The following NRK variants were observed in gnomAD, a reference collection of about 807,000 sequenced individuals.
NRK encodes nik-related protein kinase.
NRK carries 67 observed loss-of-function variants against 125.2 expected under a neutral mutation model. The ratio of observed to expected loss-of-function variants is 0.54; its 90% confidence interval spans 0.44 to 0.66. The LOEUF (loss-of-function observed/expected upper bound fraction) is 0.66, where lower values mean the gene tolerates loss of function less well. Ranked by LOEUF, NRK falls within the 30% of genes least tolerant of loss-of-function variation. NRK has a pLI of 0.00. For synonymous variants in NRK, 458 were observed against 429.0 expected (o/e 1.07, Z -0.84); for missense variants, 1,224 against 1,192.9 (o/e 1.03, Z -0.38).
rs2040783467 is a variant in NRK at position 105,944,191 on chromosome X, T to C, written c.4059+150T>C. ...TGTTGTTAGTTTGCTTGCTTGTTTGTTTGTTTATTTTTTAGATACAGGGTC... is the reference window on the plus strand; with the variant it reads ...TGTTGTTAGTTTGCTTGCTTGTTTGCTTGTTTATTTTTTAGATACAGGGTC... On this transcript the variant is annotated intron_variant, in intron 24 of 28. Transcript: ENST00000243300. The C allele has an allele frequency of 1.3e-5, 5 of 397,229 alleles. No individual in the cohort carries two copies. In the South Asian group the frequency reaches 2.4e-4, roughly 19 times the overall value. The allele number at this position is 397,229 out of a possible 1,213,427, so 32.7% of individuals were successfully genotyped here.
chrX:105,954,274 C>CTGT (rs1482887884), intron 28 of NRK, among the ~76,000 whole-genome samples: 1 of 110,610 alleles, frequency 9.0e-6, no homozygotes, highest in Non-Finnish European at 1.9e-5. Flanking sequence ...ATGTAAAATG[C>CTGT]TGTTTTCATA....
chrX:105,826,001 A>G (rs752397168), intron 1 of NRK, among the ~76,000 whole-genome samples: 21 of 102,926 alleles, frequency 2.0e-4, no homozygotes, highest in South Asian at 1.7e-3. Flanking sequence ...GCCCACCAGC[A>G]ATACCTAGGG....
chrX:105,872,897 C>G (rs1187473641), intron 2 of NRK, among the ~76,000 whole-genome samples: 1 of 110,817 alleles, frequency 9.0e-6, no homozygotes, highest in East Asian at 2.9e-4. Context: ...GGCACAGCAT[C>G]AAGTACTCCC....
intron 23 of NRK, among the ~76,000 whole-genome samples, chrX:105,943,449 G>A (rs1191367932): frequency 8.9e-6 from 1 of 111,776 alleles, no homozygotes; most frequent in Non-Finnish European, 1.9e-5. Context: ...TTTGAAATTG[G>A]AAAGTGTGAG....
chrX:105,949,688 C>T lies in NRK; in HGVS notation c.4467C>T (p.Leu1489=). The T allele has an allele frequency of 8.3e-7, 1 of 1,202,328 alleles. No homozygotes were observed. The highest frequency in any genetic ancestry group is 3.0e-5 in the East Asian group (1 of 33,708). The change falls in exon 27 of 29, where the codon CTC becomes CTT. Residue 1489 remains leucine (L), a synonymous_variant. Transcript: ENST00000243300. Reference sequence around the variant, plus strand: ...TCTCTGTGGAAGCAAATGAACAACTCTTCAAGAAGATCCTTGAAATGTGGA... The same window carrying T: ...TCTCTGTGGAAGCAAATGAACAACTTTTCAAGAAGATCCTTGAAATGTGGA... ...EALSVEANEQ[L]FKKILEMWKD...
At chrX:105,827,603 G>A (rs2039131887) in intron 1 of NRK, among the ~76,000 whole-genome samples, 1 of 109,935 alleles carries the variant, frequency 9.1e-6, no homozygotes, top group Non-Finnish European at 1.9e-5. Context: ...TCAGGAGACA[G>A]AAACGACTCC....
intron 5 of NRK, among the ~76,000 whole-genome samples, chrX:105,892,620 T>C (rs970025803): frequency 9.0e-6 from 1 of 111,659 alleles, no homozygotes; most frequent in Non-Finnish European, 1.9e-5. Flanking sequence ...TGGTTGAAAA[T>C]GAGGAGTTAC....
At chrX:105,865,427 C>G (rs1402184211) in intron 2 of NRK, among the ~76,000 whole-genome samples, 1 of 111,569 alleles carries the variant, frequency 9.0e-6, no homozygotes, top group Non-Finnish European at 1.9e-5. Flanking sequence ...GACAGTGACT[C>G]ATGACCATAG....
intron 16 of NRK, among the ~76,000 whole-genome samples, chrX:105,921,208 A>G (rs1213627226): frequency 1.9e-5 from 2 of 107,672 alleles, no homozygotes; most frequent in Admixed American, 1.0e-4. Context: ...GGAAATCATC[A>G]TTCTCAGTAA....
chrX:105,936,659 C>T (rs2040669437), intron 21 of NRK, among the ~76,000 whole-genome samples: 1 of 111,789 alleles, frequency 8.9e-6, no homozygotes, highest in Non-Finnish European at 1.9e-5. Context: ...TCCTATGTCA[C>T]TTTATGGTGA....
In NRK at chrX:105,858,375, A is replaced by G. The variant is rs751800051; in HGVS notation, c.124-21824A>G. On this transcript the variant is annotated intron_variant, in intron 2 of 28. Transcript: ENST00000243300. ...AACCTGACCAAAAAAAATGTGTACC[A>G]TCTCCAGTTTTTTTTTTTTTTTACT... 3.2e-5 allele frequency among the ~76,000 whole-genome samples: 3 copies of G among 94,992 alleles called. No individual in the cohort carries two copies. In the East Asian group the frequency reaches 9.6e-4, roughly 30 times the overall value. The allele number at this position is 94,992 out of a possible 115,157, so 82.5% of individuals were successfully genotyped here. A position where few individuals can be genotyped will look rare whatever the true frequency, so the allele number is the denominator to read the frequency against.
At chrX:105,836,109 C>T (rs144702480) in intron 2 of NRK, among the ~76,000 whole-genome samples, 34 of 111,911 alleles carry the variant, frequency 3.0e-4, no homozygotes, top group Non-Finnish European at 1.1e-4. Context: ...TGTCTTTCTC[C>T]AGACCTCAGC....
At chrX:105,822,227 G>C (rs1048494788), upstream of NRK, among the ~76,000 whole-genome samples, 1 of 110,447 alleles carries the variant, frequency 9.1e-6, no homozygotes, top group African/African-American at 3.3e-5. Context: ...CCGGTTTTCC[G>C]GGGCTGGCAG....
chrX:105,908,174 T>C, intron 11 of NRK, 66 bp from the exon 12 acceptor site: 1 of 610,777 alleles, frequency 1.6e-6, no homozygotes, highest in Non-Finnish European at 2.5e-6. Flanking sequence ...AACAAGGTGA[T>C]TAAGTGGATA....
At chrX:105,882,585 A>G (rs2039897159) in intron 4 of NRK, among the ~76,000 whole-genome samples, 1 of 111,711 alleles carries the variant, frequency 9.0e-6, no homozygotes, top group Non-Finnish European at 1.9e-5. Context: ...TCAGCTATAC[A>G]TGAGACTCAA....
intron 2 of NRK, among the ~76,000 whole-genome samples, chrX:105,843,977 C>CTGTGTGTGTGTGTGTGTGTGTG (rs751188822): frequency 5.7e-5 from 5 of 87,374 alleles, no homozygotes; most frequent in East Asian, 3.5e-4. Context: ...GTCCTGCACT[C>CTGTGTGTGTGTGTGTGTGTGTG]TGTGTGTGTG....
chrX:105,828,082 C>T (rs146363022), intron 1 of NRK, among the ~76,000 whole-genome samples: 3 of 111,968 alleles, frequency 2.7e-5, no homozygotes, highest in African/African-American at 9.7e-5. Context: ...AGGAATTTGG[C>T]GTTGTTAACC....
At chrX:105,929,129 A>G (rs1194195190) in intron 19 of NRK, among the ~76,000 whole-genome samples, 1 of 111,696 alleles carries the variant, frequency 9.0e-6, no homozygotes, top group Non-Finnish European at 1.9e-5. Flanking sequence ...CTCCCTTTAG[A>G]TGCAATAATA....
At chrX:105,914,072 G>C (rs1004624625) in intron 14 of NRK, among the ~76,000 whole-genome samples, 2 of 110,399 alleles carry the variant, frequency 1.8e-5, no homozygotes, top group African/African-American at 6.6e-5. Flanking sequence ...CAATCAAGTA[G>C]ATTAGGTGAG....
Sources: allele counts gnomAD v4.1 joint callset (sites outside exome capture counted in the v4.1 genomes callset), GRCh38; gene constraint gnomAD v4.1.1; transcripts MANE v1.5; gene names NCBI Gene and HGNC (gene_info 2026-07-23, HGNC 2026-07-21).